Variants in AJAP1 observed in about 807,000 individuals in gnomAD.
The protein encoded by AJAP1 is adherens junctions associated protein 1.
In AJAP1, 5 loss-of-function variants were observed where a neutral mutation model predicts 35.0. That is an observed-to-expected ratio of 0.14 (90% CI 0.07 to 0.30). The LOEUF (loss-of-function observed/expected upper bound fraction) is 0.30, where lower values mean the gene tolerates loss of function less well. AJAP1 is among the 10% of genes least tolerant of loss of function. AJAP1 has a pLI of 1.00. For missense variants in AJAP1, 586 were observed against 571.0 expected, an observed-to-expected ratio of 1.03 and a Z score of -0.27; for synonymous variants, 284 against 249.3, an observed-to-expected ratio of 1.14 and a Z score of -1.31.
At chr1:4,743,398 A>C (rs1274621639) in intron 2 of AJAP1, among the ~76,000 whole-genome samples, 1 of 152,186 alleles carries the variant, frequency 6.6e-6, no homozygotes, top group Non-Finnish European at 1.5e-5. Context: ...GCACCTGGTT[A>C]TGGAAAACTA....
chr1:4,659,738 G>A (rs1638960630), intron 1 of AJAP1, among the ~76,000 whole-genome samples: 1 of 152,174 alleles, frequency 6.6e-6, no homozygotes, highest in African/African-American at 2.4e-5. Context: ...GTAGGAGATG[G>A]GACTTGACTC....
At chr1:4,732,284 G>A (rs1412551158) in intron 2 of AJAP1, among the ~76,000 whole-genome samples, 1 of 152,252 alleles carries the variant, frequency 6.6e-6, no homozygotes, top group Non-Finnish European at 1.5e-5. Context: ...TGCTGATGAG[G>A]CCAGACAGGT....
At chr1:4,659,321 T>A (rs1165900623) in intron 1 of AJAP1, among the ~76,000 whole-genome samples, 1 of 152,160 alleles carries the variant, frequency 6.6e-6, no homozygotes, top group Non-Finnish European at 1.5e-5. Flanking sequence ...GAAGTCTGGC[T>A]TGAGAGGGTT....
chr1:4,701,431 G>A (rs1264516045), intron 1 of AJAP1, among the ~76,000 whole-genome samples: 1 of 152,174 alleles, frequency 6.6e-6, no homozygotes, highest in Admixed American at 6.5e-5. Flanking sequence ...GGGAGCAGCT[G>A]TAGGTCAGCC....
Position 4,761,565 on chromosome 1 carries a change from T to G in AJAP1, c.830-8288T>G, listed in dbSNP as rs191866694. 3.2e-4 allele frequency among the ~76,000 whole-genome samples: 48 copies of G among 152,332 alleles called. No individual in the cohort carries two copies. The East Asian group carries it at 8.9e-3, about 28-fold the overall frequency. ...TTCTGTGCAGAGAACAATCAGAATCTGTATTAGTCAGGGTTCTCTAGAGGG... is the reference window on the plus strand; with the variant it reads ...TTCTGTGCAGAGAACAATCAGAATCGGTATTAGTCAGGGTTCTCTAGAGGG... On this transcript the variant is annotated intron_variant, in intron 2 of 5. Transcript: ENST00000378191.
intron 2 of AJAP1, among the ~76,000 whole-genome samples, chr1:4,721,038 C>A (rs556829206): frequency 6.6e-6 from 1 of 152,338 alleles, no homozygotes; most frequent in East Asian, 1.9e-4. Context: ...GCACGACTCT[C>A]CCCTTTACAT....
chr1:4,702,712 G>T (rs1352836199), intron 1 of AJAP1, among the ~76,000 whole-genome samples: 1 of 152,136 alleles, frequency 6.6e-6, no homozygotes, highest in Non-Finnish European at 1.5e-5. Context: ...CAGGGAGGAG[G>T]CGATTTTGGC....
chr1:4,737,839 C>G (rs1476489685), intron 2 of AJAP1, among the ~76,000 whole-genome samples: 1 of 152,190 alleles, frequency 6.6e-6, no homozygotes, highest in Non-Finnish European at 1.5e-5. Flanking sequence ...AAGATTGAGG[C>G]TGCCGTGAAC....
At chr1:4,758,715 G>A (rs1350674324) in intron 2 of AJAP1, among the ~76,000 whole-genome samples, 2 of 152,152 alleles carry the variant, frequency 1.3e-5, no homozygotes, top group Admixed American at 1.3e-4. Flanking sequence ...AGGTCCTATG[G>A]GCATAGCATG....
intron 1 of AJAP1, among the ~76,000 whole-genome samples, chr1:4,664,802 A>G (rs1639080226): frequency 6.6e-6 from 1 of 152,128 alleles, no homozygotes; most frequent in East Asian, 1.9e-4. Context: ...CCTGCTGTGG[A>G]TTCAATTTCC....
At position 4,656,417 on chromosome 1, in the gene AJAP1, G is replaced by T. The variant is rs1293198052; in HGVS notation, c.29+963G>T. ...CCGGGTTGGAACCGCGAGCGGGGAG[G>T]ACAGAGGTGGAGGCGGAGAGCAGCG... On this transcript the variant is annotated intron_variant, in intron 1 of 5. Coordinates refer to ENST00000378191, the MANE Select transcript of AJAP1 (RefSeq NM_018836.4). The surrounding 1 kb of genome is among the most constrained non-coding windows in gnomAD (Gnocchi z 5.7). Among the ~76,000 whole-genome samples the T allele has an allele frequency of 6.6e-6, 1 of 152,218 alleles. No individual in the cohort carries two copies. Among genetic ancestry groups the T allele is most frequent in the Admixed American group, 6.5e-5 (1 of 15,282 alleles).
chr1:4,776,407 G>A (rs908984930), intron 5 of AJAP1, among the ~76,000 whole-genome samples: 3 of 152,154 alleles, frequency 2.0e-5, no homozygotes, highest in Non-Finnish European at 4.4e-5. Flanking sequence ...TGACTTGGCC[G>A]AGGTCAGCCA....
intron 2 of AJAP1, among the ~76,000 whole-genome samples, chr1:4,729,425 C>T (rs1331823813): frequency 2.0e-5 from 3 of 152,206 alleles, no homozygotes; most frequent in Non-Finnish European, 2.9e-5. Flanking sequence ...GCTAGGTTTT[C>T]GGCTCCTGGC....
Position 4,683,328 on chromosome 1 carries a change from A to G in AJAP1, c.29+27874A>G, listed in dbSNP as rs562763914. 3.3e-5 allele frequency among the ~76,000 whole-genome samples: 5 copies of G among 152,344 alleles called. No individual in the cohort carries two copies. The East Asian group carries it at 7.7e-4, about 24-fold the overall frequency. On this transcript the variant is annotated intron_variant, in intron 1 of 5. Coordinates refer to ENST00000378191, the MANE Select transcript of AJAP1 (RefSeq NM_018836.4). Reference sequence around the variant, plus strand: ...CACTTGACCCGCAGAGCTCAGAATCAGCATCCCTGGAAGCCTTGTTAAAAT... The same window carrying G: ...CACTTGACCCGCAGAGCTCAGAATCGGCATCCCTGGAAGCCTTGTTAAAAT...
At chr1:4,682,457 T>C (rs12402269) in intron 1 of AJAP1, among the ~76,000 whole-genome samples, 20,559 of 152,128 alleles carry the variant, frequency 0.14, 1,872 homozygotes, top group East Asian at 0.29. Context: ...CCCTATCAGC[T>C]CTTTCTGGCA....
rs74051948 is a variant in AJAP1 at position 4,713,242 on chromosome 1, C to T, written c.829+543C>T. ...AATGGCCTTAAATAGCAAGAAAGGC[C>T]GAGGCTGGGTAAAAGGAAGAACTTC... On this transcript the variant is annotated intron_variant, in intron 2 of 5. Transcript: ENST00000378191. Among the ~76,000 whole-genome samples the T allele has an allele frequency of 7.5e-3, 1,135 of 152,240 alleles. 15 individuals are homozygous for T. Among genetic ancestry groups the T allele is most frequent in the Non-Finnish European group, 6.5e-3 (440 of 68,026 alleles).
intron 2 of AJAP1, among the ~76,000 whole-genome samples, chr1:4,722,290 G>A (rs931934344): frequency 2.0e-5 from 3 of 152,224 alleles, no homozygotes; most frequent in African/African-American, 4.8e-5. Context: ...GCACCGAGCC[G>A]CGGGGCAGGT....
intron 1 of AJAP1, among the ~76,000 whole-genome samples, chr1:4,690,386 A>G (rs1197588943): frequency 6.6e-6 from 1 of 152,170 alleles, no homozygotes; most frequent in East Asian, 1.9e-4. Context: ...TGTTTCAAGG[A>G]TGGGAGCCCG....
At chr1:4,669,727 T>C (rs1639210661) in intron 1 of AJAP1, among the ~76,000 whole-genome samples, 1 of 152,192 alleles carries the variant, frequency 6.6e-6, no homozygotes. Context: ...TTCACCCACA[T>C]TGTAGCGTGC....
Sources: allele counts gnomAD v4.1 joint callset (sites outside exome capture counted in the v4.1 genomes callset), GRCh38; gene constraint gnomAD v4.1.1; non-coding constraint Gnocchi (gnomAD v3.1); transcripts MANE v1.5; gene names NCBI Gene and HGNC (gene_info 2026-07-23, HGNC 2026-07-21).